DGKK: variants seen among roughly 807,000 people sequenced by gnomAD.
DGKK encodes diacylglycerol kinase kappa, also known as 142 kDa diacylglycerol kinase.
Under a neutral mutation model 92.2 loss-of-function variants are expected in DGKK, and 35 were observed. The ratio of observed to expected loss-of-function variants is 0.38; its 90% CI spans 0.29 to 0.50. The LOEUF (loss-of-function observed/expected upper bound fraction) is 0.50, where lower values mean the gene tolerates loss of function less well. Among genes scored for constraint, DGKK ranks in the 20% least tolerant of loss-of-function variants. The probability of loss-of-function intolerance (pLI) is 0.92; values close to 1 mark genes in which losing one functional copy is unlikely to be tolerated. For missense variants in DGKK, 910 were observed against 992.2 expected (o/e 0.92, Z 1.11); for synonymous variants, 368 against 360.6 (o/e 1.02, Z -0.23).
chrX:50,408,947 A>G (rs1306746327), intron 4 of DGKK, among the ~76,000 whole-genome samples: 2 of 111,613 alleles, frequency 1.8e-5, no homozygotes, highest in Admixed American at 1.9e-4. Context: ...TTGGAAGGAC[A>G]TGAATTTGGG....
rs1353384473 is a variant in DGKK at position 50,452,776 on chromosome X, C to G, written c.645+17258G>C. ...AATTTTAAAGTGCTTCCCAGATATT[C>G]TATGGTGGGAAATATGCTTGTTTGC... On this transcript the variant is annotated intron_variant, in intron 1 of 27. Transcript: ENST00000611977. 2.7e-5 allele frequency among the ~76,000 whole-genome samples: 3 copies of G among 111,668 alleles called. No homozygotes were observed. In the Admixed American group the frequency reaches 2.9e-4, roughly 11 times the overall value.
chrX:50,458,359 TGA>T (rs1926662880), intron 1 of DGKK, among the ~76,000 whole-genome samples: 1 of 110,068 alleles, frequency 9.1e-6, no homozygotes, highest in Non-Finnish European at 1.9e-5. Context: ...TCTATAATAC[TGA>T]AGATAAAAGG....
intron 3 of DGKK, 78 bp downstream of exon 3, chrX:50,422,368 G>A (rs1379887368): frequency 1.1e-5 from 9 of 813,343 alleles, no homozygotes; most frequent in Non-Finnish European, 1.4e-5. Context: ...GTTCAAAGAA[G>A]CAAGAAGTGG....
chrX:50,418,223 C>T (rs1422268986), intron 4 of DGKK, among the ~76,000 whole-genome samples: 1 of 112,040 alleles, frequency 8.9e-6, no homozygotes, highest in Non-Finnish European at 1.9e-5. Context: ...ATCAATCATG[C>T]ATTGCCTTGT....
chrX:50,467,465 G>A (rs917612409), intron 1 of DGKK, among the ~76,000 whole-genome samples: 10 of 112,996 alleles, frequency 8.8e-5, no homozygotes, highest in African/African-American at 3.2e-4. Context: ...TTCATCCTTT[G>A]AATTATCAGG....
At chrX:50,439,001 T>C (rs782231756) in intron 1 of DGKK, among the ~76,000 whole-genome samples, 16 of 111,434 alleles carry the variant, frequency 1.4e-4, no homozygotes, top group Non-Finnish European at 2.8e-4. Context: ...AAATCACAAA[T>C]ATGTGTCATA....
At chrX:50,452,246 A>G (rs1323778285) in intron 1 of DGKK, among the ~76,000 whole-genome samples, 4 of 111,893 alleles carry the variant, frequency 3.6e-5, no homozygotes, top group African/African-American at 1.3e-4. Context: ...ATTGCACTGC[A>G]ACTCTCTCAT....
At chrX:50,405,887 C>T (rs900125554) in intron 4 of DGKK, among the ~76,000 whole-genome samples, 1 of 111,754 alleles carries the variant, frequency 8.9e-6, no homozygotes, top group African/African-American at 3.3e-5. Context: ...GCACTTTGAG[C>T]TCCTAGAACC....
chrX:50,381,908 G>A (rs936844239), intron 18 of DGKK, among the ~76,000 whole-genome samples: 1 of 111,508 alleles, frequency 9.0e-6, no homozygotes, highest in Non-Finnish European at 1.9e-5. Flanking sequence ...TTCTAGTGGT[G>A]GTGGCAAGGG....
At chrX:50,454,433 C>G (rs1414574190) in intron 1 of DGKK, among the ~76,000 whole-genome samples, 1 of 111,322 alleles carries the variant, frequency 9.0e-6, no homozygotes, top group Non-Finnish European at 1.9e-5. Context: ...GCCCAAGTAA[C>G]CTTTCTGCAT....
intron 25 of DGKK, among the ~76,000 whole-genome samples, chrX:50,374,231 C>T (rs1350101204): frequency 3.6e-5 from 4 of 111,546 alleles, no homozygotes; most frequent in Non-Finnish European, 7.5e-5. Flanking sequence ...TGACTGGTGT[C>T]CTTATAAGAA....
chrX:50,418,279 T>C (rs1329817806), intron 4 of DGKK, among the ~76,000 whole-genome samples: 1 of 112,084 alleles, frequency 8.9e-6, no homozygotes, highest in Non-Finnish European at 1.9e-5. Context: ...GTCATTTAAC[T>C]GTTTCTTTTG....
In DGKK at chrX:50,470,591, A is replaced by G. The variant is rs782733833; in HGVS notation, c.88T>C (p.Trp30Arg). The change falls in exon 1 of 28, where the codon TGG becomes CGG. Residue 30 changes from tryptophan to arginine, a missense_variant. By Grantham distance (101) the Trp-to-Arg change is moderately radical. Transcript: ENST00000611977. ...PAESPEPPPP[W>R]PPPPPPPAPP... ...GCCGGTGGTGGTGGCGGCGGCGGCC[A>G]AGGCGGCGGAGGCTCTGGAGACTCA... 39 of 1,193,612 alleles carry G rather than the reference A, an allele frequency of 3.3e-5. No individual in the cohort carries two copies. The highest frequency in any genetic ancestry group is 4.4e-5 in the Non-Finnish European group (39 of 889,731).
chrX:50,469,112 A>G (rs1926985722), intron 1 of DGKK, among the ~76,000 whole-genome samples: 1 of 111,235 alleles, frequency 9.0e-6, no homozygotes, highest in Non-Finnish European at 1.9e-5. Context: ...GGCGAGTGCC[A>G]GAAGATTCTC....
At chrX:50,392,958 T>C (rs1201383086) in intron 9 of DGKK, among the ~76,000 whole-genome samples, 194 bp downstream of exon 9, 4 of 112,594 alleles carry the variant, frequency 3.6e-5, no homozygotes, top group Non-Finnish European at 7.5e-5. Flanking sequence ...AAGGGATTTC[T>C]GGGAGAGGGC....
At chrX:50,454,772 C>A (rs1926570838) in intron 1 of DGKK, among the ~76,000 whole-genome samples, 1 of 111,743 alleles carries the variant, frequency 8.9e-6, no homozygotes, top group Non-Finnish European at 1.9e-5. Context: ...AGGACTAATG[C>A]AAGCCTCTCT....
At chrX:50,466,878 A>T (rs782350530) in intron 1 of DGKK, among the ~76,000 whole-genome samples, 1 of 112,025 alleles carries the variant, frequency 8.9e-6, no homozygotes, top group Non-Finnish European at 1.9e-5. Flanking sequence ...TGGTTTGAGG[A>T]TAATGGTTAT....
intron 1 of DGKK, among the ~76,000 whole-genome samples, chrX:50,429,645 C>T (rs1464708526): frequency 8.9e-6 from 1 of 112,102 alleles, no homozygotes; most frequent in Non-Finnish European, 1.9e-5. Context: ...GCCGAGATCG[C>T]GCCACTGCAC....
intron 12 of DGKK, 77 bp from the exon 13 acceptor site, chrX:50,388,695 G>T: frequency 1.4e-6 from 1 of 700,170 alleles, no homozygotes; most frequent in Non-Finnish European, 2.1e-6. Context: ...ATCCCCTGCA[G>T]CCTCATTGTT....
Sources: gnomAD v4.1 joint callset for allele counts (sites outside exome capture counted in the v4.1 genomes callset) on GRCh38, gnomAD v4.1.1 for gene constraint, MANE v1.5 for transcripts, NCBI Gene and HGNC (gene_info 2026-07-23, HGNC 2026-07-21) for gene names.